Variants in RBFOX1 observed in about 807,000 individuals in gnomAD.
RBFOX1 encodes RNA binding protein fox-1 homolog 1.
RBFOX1 carries 8 observed loss-of-function variants against 57.7 expected under a neutral mutation model. The observed-to-expected ratio is 0.14, with a 90% confidence interval of 0.08 to 0.25. The LOEUF (loss-of-function observed/expected upper bound fraction) is 0.25. Ranked by LOEUF, RBFOX1 falls within the 10% of genes least tolerant of loss-of-function variation. The probability of loss-of-function intolerance (pLI) is 1.00; values close to 1 mark genes in which losing one functional copy is unlikely to be tolerated. For missense variants in RBFOX1, 611 were observed against 548.5 expected, an observed-to-expected ratio of 1.11 and a Z score of -1.14; for synonymous variants, 326 against 222.4, an observed-to-expected ratio of 1.47 and a Z score of -4.15.
chr16:7,224,595 G>A (rs757160785), intron 4 of RBFOX1, among the ~76,000 whole-genome samples: 1 of 152,168 alleles, frequency 6.6e-6, no homozygotes, highest in African/African-American at 2.4e-5. Flanking sequence ...TTTCAGTTGG[G>A]CGTGTAGTGG....
intron 4 of RBFOX1, among the ~76,000 whole-genome samples, chr16:7,399,232 G>A (rs1235997120): frequency 1.3e-5 from 2 of 152,226 alleles, no homozygotes. Context: ...TGGATTACCT[G>A]AGGTCAGTAG....
chr16:5,597,139 G>T (rs141291275), intron 2 of RBFOX1, among the ~76,000 whole-genome samples: 2 of 152,146 alleles, frequency 1.3e-5, no homozygotes, highest in Non-Finnish European at 2.9e-5. Flanking sequence ...GTACAGGAAA[G>T]AGTAGGTAGC....
intron 1 of RBFOX1, among the ~76,000 whole-genome samples, chr16:5,437,980 A>G (rs1342379015): frequency 1.3e-5 from 2 of 152,214 alleles, no homozygotes; most frequent in Non-Finnish European, 2.9e-5. Flanking sequence ...GGATCTGACC[A>G]TGTCTCTGTG....
intron 3 of RBFOX1, among the ~76,000 whole-genome samples, chr16:5,804,449 TG>T (rs1166316754): frequency 6.6e-6 from 1 of 152,184 alleles, no homozygotes; most frequent in Non-Finnish European, 1.5e-5. Context: ...TCCTGTTCAT[TG>T]ATAAGGTTTG....
intron 1 of RBFOX1, among the ~76,000 whole-genome samples, chr16:5,411,128 G>A (rs538140175): frequency 5.9e-5 from 9 of 152,304 alleles, no homozygotes; most frequent in Non-Finnish European, 1.0e-4. Flanking sequence ...ATTCTTGGGC[G>A]GAGGCCAGAG....
At chr16:6,868,070 T>C (rs1364921891) in intron 3 of RBFOX1, among the ~76,000 whole-genome samples, 1 of 152,216 alleles carries the variant, frequency 6.6e-6, no homozygotes, top group East Asian at 1.9e-4. Flanking sequence ...TTTTGCCGTA[T>C]GGGTGTTGAG....
intron 1 of RBFOX1, among the ~76,000 whole-genome samples, chr16:6,026,203 C>T (rs145074682): frequency 6.6e-6 from 1 of 152,344 alleles, no homozygotes; most frequent in African/African-American, 2.4e-5. Flanking sequence ...TCTTACTCCA[C>T]TCCATGGTCA....
At chr16:6,254,892 C>G (rs1455006227) in intron 1 of RBFOX1, among the ~76,000 whole-genome samples, 2 of 151,882 alleles carry the variant, frequency 1.3e-5, no homozygotes, top group African/African-American at 4.8e-5. Context: ...CTTGGCTTTC[C>G]CCCCATGCCC....
At chr16:7,456,580 A>G (rs140065770) in intron 4 of RBFOX1, among the ~76,000 whole-genome samples, 20 of 152,302 alleles carry the variant, frequency 1.3e-4, no homozygotes, top group African/African-American at 4.8e-4. Context: ...GTCATTTCAA[A>G]TTGATTTTAA....
At chr16:6,193,406 A>AC (rs1278263472) in intron 1 of RBFOX1, among the ~76,000 whole-genome samples, 21 of 107,610 alleles carry the variant, frequency 2.0e-4, no homozygotes, top group African/African-American at 5.4e-4. Flanking sequence ...ATATATATAT[A>AC]TATATATATA....
chr16:6,927,287 C>G (rs1023964535), intron 3 of RBFOX1, among the ~76,000 whole-genome samples: 2 of 151,468 alleles, frequency 1.3e-5, no homozygotes, highest in African/African-American at 4.9e-5. Context: ...GTGACACACA[C>G]CTGTAGTATC....
intron 3 of RBFOX1, among the ~76,000 whole-genome samples, chr16:5,765,063 C>G (rs2053729178): frequency 6.6e-6 from 1 of 152,188 alleles, no homozygotes. Context: ...GTCACCAGTA[C>G]CTTTCCAAAT....
intron 2 of RBFOX1, among the ~76,000 whole-genome samples, chr16:6,653,913 TG>T (rs1476164773): frequency 6.7e-6 from 1 of 148,666 alleles, no homozygotes; most frequent in African/African-American, 2.5e-5. Context: ...TTTGGGTGGA[TG>T]GGCGAGTGTG....
intron 4 of RBFOX1, among the ~76,000 whole-genome samples, chr16:5,913,279 T>A (rs1001259381): frequency 6.6e-6 from 1 of 152,134 alleles, no homozygotes; most frequent in African/African-American, 2.4e-5. Flanking sequence ...CATGTATGGG[T>A]TGTTTCGACC....
chr16:6,446,609 A>G (rs992008681), intron 2 of RBFOX1, among the ~76,000 whole-genome samples: 3 of 152,166 alleles, frequency 2.0e-5, no homozygotes, highest in African/African-American at 7.2e-5. Context: ...TGACTTAAAC[A>G]ATTACTTACA....
At chr16:6,366,949 C>T (rs960626103) in intron 2 of RBFOX1, among the ~76,000 whole-genome samples, 1 of 152,198 alleles carries the variant, frequency 6.6e-6, no homozygotes, top group Non-Finnish European at 1.5e-5. Flanking sequence ...GGAGCATTTC[C>T]TACACTGTGA....
At chr16:7,599,625 A>G (rs914151924) in intron 9 of RBFOX1, among the ~76,000 whole-genome samples, 3 of 147,456 alleles carry the variant, frequency 2.0e-5, no homozygotes, top group African/African-American at 7.7e-5. Flanking sequence ...GAAGATGAAG[A>G]AATTAATAAA....
chr16:7,494,585 G>A (rs1238856146), intron 4 of RBFOX1, among the ~76,000 whole-genome samples: 1 of 152,170 alleles, frequency 6.6e-6, no homozygotes, highest in Non-Finnish European at 1.5e-5. Context: ...TTACTTTCAT[G>A]ACCTAATTTA....
intron 4 of RBFOX1, among the ~76,000 whole-genome samples, chr16:7,491,032 T>C (rs1200356679): frequency 1.3e-5 from 2 of 152,170 alleles, no homozygotes; most frequent in Non-Finnish European, 2.9e-5. Flanking sequence ...TAGAAATCCA[T>C]CAACTCCAGA....
Sources: gnomAD v4.1 joint callset for allele counts (sites outside exome capture counted in the v4.1 genomes callset) on GRCh38, gnomAD v4.1.1 for gene constraint, MANE v1.5 for transcripts, NCBI Gene and HGNC (gene_info 2026-07-23, HGNC 2026-07-21) for gene names.